PRKAG2: variants seen among roughly 807,000 people sequenced by gnomAD.
The protein encoded by PRKAG2 is protein kinase AMP-activated non-catalytic subunit gamma 2, also known as 5'-AMP-activated protein kinase subunit gamma-2.
In PRKAG2, 26 loss-of-function variants were observed where a neutral mutation model predicts 69.6. The observed-to-expected ratio is 0.37, with a 90% CI of 0.27 to 0.52. PRKAG2 has a LOEUF of 0.52. Ranked by LOEUF, PRKAG2 falls within the 20% of genes least tolerant of loss-of-function variation. The pLI, the probability that PRKAG2 is intolerant of heterozygous loss-of-function variation, is 0.90. For missense variants in PRKAG2, 557 were observed against 740.0 expected (o/e 0.75, Z 2.87); for synonymous variants, 293 against 285.0 (o/e 1.03, Z -0.28).
intron 5 of PRKAG2, chr7:151,631,688 G>A (rs551810309): frequency 5.0e-5 from 23 of 458,722 alleles, no homozygotes; most frequent in African/African-American, 4.2e-4. Flanking sequence ...TGATTAAAGG[G>A]TCTGGACTGT....
chr7:151,607,069 C>T (rs550419066), intron 5 of PRKAG2, among the ~76,000 whole-genome samples: 23 of 152,276 alleles, frequency 1.5e-4, no homozygotes, highest in African/African-American at 5.1e-4. Context: ...AAACAGATGC[C>T]AACCCAACAT....
At chr7:151,727,417 C>T (rs935905472) in intron 3 of PRKAG2, among the ~76,000 whole-genome samples, 17 of 152,178 alleles carry the variant, frequency 1.1e-4, no homozygotes, top group African/African-American at 3.1e-4. Flanking sequence ...CCAGCAGCCA[C>T]GGGAGCCCCG....
rs1218083019 is a variant in PRKAG2 at position 151,632,430 on chromosome 7, G to A, written c.685-292C>T. On this transcript the variant is annotated intron_variant, in intron 4 of 15. Transcript: ENST00000287878. The surrounding 1 kb of genome is among the most constrained non-coding windows in gnomAD (Gnocchi z 4.2). The stretch of plus-strand genomic sequence containing the variant: ...GTACGGCCCGCCCGGGAGGAAGCGT[G>A]GGAAGGGACCCGGGAGCTCGAGGGC... 4.3e-5 allele frequency: 24 copies of A among 553,002 alleles called. No individual in the cohort carries two copies. The highest frequency in any genetic ancestry group is 5.3e-5 in the Non-Finnish European group (23 of 435,950). 34.3% of individuals were successfully genotyped at this position (553,002 alleles called of 1,614,324 possible). A position where few individuals can be genotyped will look rare whatever the true frequency, so the allele number is the denominator to read the frequency against.
intron 4 of PRKAG2, among the ~76,000 whole-genome samples, chr7:151,663,651 C>A (rs1002746739): frequency 6.6e-6 from 1 of 152,226 alleles, no homozygotes; most frequent in Non-Finnish European, 1.5e-5. Flanking sequence ...TAAGCCACCA[C>A]GTCTGGCCCA....
intron 4 of PRKAG2, among the ~76,000 whole-genome samples, chr7:151,650,392 A>G (rs916946318): frequency 9.9e-5 from 15 of 152,152 alleles, no homozygotes; most frequent in Non-Finnish European, 2.9e-5. Flanking sequence ...CCTCTAGGGA[A>G]TGGTTTGCAT....
chr7:151,753,452 G>A (rs2074853451), intron 3 of PRKAG2, among the ~76,000 whole-genome samples: 1 of 152,196 alleles, frequency 6.6e-6, no homozygotes, highest in Non-Finnish European at 1.5e-5. Flanking sequence ...GAGAGATCGT[G>A]AGAAATGAGA....
At chr7:151,838,745 T>C (rs2151883653) in intron 1 of PRKAG2, among the ~76,000 whole-genome samples, 1 of 149,422 alleles carries the variant, frequency 6.7e-6, no homozygotes, top group Non-Finnish European at 1.5e-5. Flanking sequence ...CCAGGCACAG[T>C]GGCTCACACC....
At chr7:151,561,545 T>C (rs1372076446) in intron 14 of PRKAG2, among the ~76,000 whole-genome samples, 1 of 152,272 alleles carries the variant, frequency 6.6e-6, no homozygotes, top group Non-Finnish European at 1.5e-5. Flanking sequence ...TTTTCTACTC[T>C]GAAATCTCTG....
At chr7:151,761,396 C>T (rs1479491378) in intron 3 of PRKAG2, among the ~76,000 whole-genome samples, 2 of 152,164 alleles carry the variant, frequency 1.3e-5, no homozygotes, top group African/African-American at 4.8e-5. Context: ...TATTAGAGAA[C>T]CTAAGATTGG....
chr7:151,749,786 GAAA>G (rs34229915), intron 3 of PRKAG2, among the ~76,000 whole-genome samples: 4 of 124,880 alleles, frequency 3.2e-5, no homozygotes, highest in Non-Finnish European at 3.3e-5. Context: ...CAACCACACT[GAAA>G]AAAAAAAAAA....
chr7:151,602,910 C>T (rs1585159423), intron 5 of PRKAG2, among the ~76,000 whole-genome samples: 2 of 152,320 alleles, frequency 1.3e-5, no homozygotes, highest in African/African-American at 4.8e-5. Context: ...TCTTCCCGTT[C>T]AGCCATGATT....
chr7:151,750,313 T>C (rs2074580931), intron 3 of PRKAG2, among the ~76,000 whole-genome samples: 1 of 152,156 alleles, frequency 6.6e-6, no homozygotes, highest in Admixed American at 6.5e-5. Context: ...ACATGAACGT[T>C]GATGGCAGCT....
intron 6 of PRKAG2, among the ~76,000 whole-genome samples, chr7:151,587,392 C>G (rs915642438): frequency 6.6e-6 from 1 of 152,176 alleles, no homozygotes; most frequent in Non-Finnish European, 1.5e-5. Flanking sequence ...TCAGCCCTCA[C>G]GGAGGTGAAG....
At chr7:151,721,752 T>C (rs888200220) in intron 3 of PRKAG2, among the ~76,000 whole-genome samples, 3 of 152,106 alleles carry the variant, frequency 2.0e-5, no homozygotes, top group African/African-American at 7.2e-5. Flanking sequence ...CAGGCCAACG[T>C]CCCATCAAGC....
intron 5 of PRKAG2, among the ~76,000 whole-genome samples, chr7:151,596,317 A>T (rs1005885164): frequency 6.6e-6 from 1 of 152,246 alleles, no homozygotes; most frequent in Non-Finnish European, 1.5e-5. Context: ...ATTTCTATAC[A>T]CTAATAGACA....
rs1050092946 is a variant in PRKAG2, at chr7:151,719,026, C to T, written c.467-43389G>A. ...CTCTCTGTGCTCAGACTTTCCAACCCACCCACAAACATTCATTAAGCCCCT... is the reference window on the plus strand; with the variant it reads ...CTCTCTGTGCTCAGACTTTCCAACCTACCCACAAACATTCATTAAGCCCCT... On this transcript the variant is annotated intron_variant, in intron 3 of 15. Transcript: ENST00000287878. This position sits in a 1 kb window ranked among gnomAD's most constrained non-coding sequence, Gnocchi z 5.2. Among the ~76,000 whole-genome samples, 2 of 152,292 alleles carry T rather than the reference C, an allele frequency of 1.3e-5. No individual in the cohort carries two copies. The highest frequency in any genetic ancestry group is 2.9e-5 in the Non-Finnish European group (2 of 68,024).
intron 3 of PRKAG2, among the ~76,000 whole-genome samples, chr7:151,713,865 T>C (rs1393258418): frequency 6.6e-6 from 1 of 152,228 alleles, no homozygotes; most frequent in Admixed American, 6.5e-5. Context: ...CATGAGCCAC[T>C]GCACCTGACC....
intron 1 of PRKAG2, among the ~76,000 whole-genome samples, chr7:151,870,509 G>A (rs1235630753): frequency 6.6e-6 from 1 of 152,224 alleles, no homozygotes; most frequent in Non-Finnish European, 1.5e-5. Context: ...AACTGGCCAA[G>A]GTCAAAGCTG....
intron 3 of PRKAG2, among the ~76,000 whole-genome samples, chr7:151,743,548 C>T (rs569175139): frequency 2.3e-4 from 35 of 152,334 alleles, no homozygotes; most frequent in Middle Eastern, 6.8e-3. Context: ...AAGAATACTA[C>T]CACAAGGCAT....
Sources: gnomAD v4.1 joint callset for allele counts (sites outside exome capture counted in the v4.1 genomes callset) on GRCh38, gnomAD v4.1.1 for gene constraint, Gnocchi (gnomAD v3.1) non-coding constraint, MANE v1.5 for transcripts, NCBI Gene and HGNC (gene_info 2026-07-23, HGNC 2026-07-21) for gene names.